ZNF362: variants seen among roughly 807,000 people sequenced by gnomAD.
ZNF362 encodes zinc finger protein 362.
ZNF362 carries 11 observed loss-of-function variants against 42.9 expected under a neutral mutation model. The ratio of observed to expected loss-of-function variants is 0.26; its 90% confidence interval spans 0.16 to 0.42. The LOEUF is 0.42. Among genes scored for constraint, ZNF362 ranks in the 20% least tolerant of loss-of-function variants. ZNF362 has a pLI of 1.00. For synonymous variants in ZNF362, 255 were observed against 257.3 expected (o/e 0.99, Z 0.09); for missense variants, 362 against 576.2 (o/e 0.63, Z 3.81).
intron 1 of ZNF362, among the ~76,000 whole-genome samples, chr1:33,263,083 A>C (rs1025249671): frequency 6.6e-6 from 1 of 152,228 alleles, no homozygotes; most frequent in African/African-American, 2.4e-5. Context: ...CCTTGTGCAC[A>C]TGTGTGTTTT....
upstream of ZNF362, among the ~76,000 whole-genome samples, chr1:33,253,961 T>C (rs1645772741): frequency 6.6e-6 from 1 of 152,216 alleles, no homozygotes; most frequent in African/African-American, 2.4e-5. Context: ...AGTTCCCATA[T>C]ATACCTCCTC....
At position 33,266,983 on chromosome 1, in the gene ZNF362, C is replaced by T. The variant is rs1219936447; in HGVS notation, c.-88-3504C>T. Among the ~76,000 whole-genome samples the T allele has an allele frequency of 6.6e-6, 1 of 152,182 alleles. No homozygotes were observed. The highest frequency in any genetic ancestry group is 1.5e-5 in the Non-Finnish European group (1 of 68,024). ...TTAGCGCCCTGGGAAGGCTCTCCTTCGGCTTGGTCCTCCCCGCTGGGGCCC... is the reference window on the plus strand; with the variant it reads ...TTAGCGCCCTGGGAAGGCTCTCCTTTGGCTTGGTCCTCCCCGCTGGGGCCC... On this transcript the variant is annotated intron_variant, in intron 1 of 8. Transcript: ENST00000539719. This position sits in a 1 kb window ranked among gnomAD's most constrained non-coding sequence, Gnocchi z 4.3.
At chr1:33,182,439 G>T in the ZNF362 span, among the ~76,000 whole-genome samples, 1 of 152,238 alleles carries the variant, frequency 6.6e-6, no homozygotes, top group Non-Finnish European at 1.5e-5. Flanking sequence ...GAAATGCCCT[G>T]CTTGCTTAGA....
chr1:33,251,020 G>A, the ZNF362 span, among the ~76,000 whole-genome samples: 1 of 152,160 alleles, frequency 6.6e-6, no homozygotes, highest in African/African-American at 2.4e-5. Context: ...CATTTAAGCC[G>A]ACATGAGAGA....
chr1:33,292,497 G>A, intron 6 of ZNF362, among the ~76,000 whole-genome samples: 1 of 152,244 alleles, frequency 6.6e-6, no homozygotes, highest in East Asian at 1.9e-4. Context: ...TTTTTGCATC[G>A]ATGTTCATCA....
chr1:33,204,671 T>G, the ZNF362 span, among the ~76,000 whole-genome samples: 2 of 152,188 alleles, frequency 1.3e-5, no homozygotes, highest in Admixed American at 1.3e-4. Flanking sequence ...AACCTACAGT[T>G]TACAGCATAC....
At chr1:33,181,375 C>G in the ZNF362 span, 1 of 1,600,828 alleles carries the variant, frequency 6.2e-7, no homozygotes, top group Non-Finnish European at 8.5e-7. This position sits in a 1 kb window ranked among gnomAD's most constrained non-coding sequence, Gnocchi z 6.5. Context: ...CTCACCGGGT[C>G]CTGGTAGATG....
the ZNF362 span, among the ~76,000 whole-genome samples, chr1:33,183,447 T>C: frequency 6.6e-6 from 1 of 152,244 alleles, no homozygotes; most frequent in Non-Finnish European, 1.5e-5. Context: ...CATTTTCTTA[T>C]GGGCAGAGCC....
At chr1:33,290,284 A>G (rs959053250) in intron 6 of ZNF362, among the ~76,000 whole-genome samples, 6 of 151,956 alleles carry the variant, frequency 3.9e-5, no homozygotes, top group East Asian at 1.9e-4. Context: ...TCATTGTTCA[A>G]TTCCCACCTA....
the ZNF362 span, among the ~76,000 whole-genome samples, chr1:33,228,213 T>C: frequency 6.6e-6 from 1 of 152,136 alleles, no homozygotes; most frequent in African/African-American, 2.4e-5. Context: ...CCACACCTGC[T>C]CCTGCTCCTG....
intron 6 of ZNF362, among the ~76,000 whole-genome samples, chr1:33,289,633 G>A (rs115099477): frequency 0.014 from 2,186 of 152,266 alleles, 53 homozygotes; most frequent in African/African-American, 0.05. Context: ...CATGGAAGTC[G>A]CTGATAATGT....
At chr1:33,170,977 G>T in the ZNF362 span, among the ~76,000 whole-genome samples, 1 of 152,218 alleles carries the variant, frequency 6.6e-6, no homozygotes, top group African/African-American at 2.4e-5. Context: ...CGGCTCCCTA[G>T]TCGCTTCTTT....
chr1:33,276,780 G>A (rs746301097), intron 4 of ZNF362, among the ~76,000 whole-genome samples, 186 bp downstream of exon 4: 1 of 152,196 alleles, frequency 6.6e-6, no homozygotes, highest in African/African-American at 2.4e-5. Flanking sequence ...GACTTCCAAC[G>A]ACCCAGTACT....
At chr1:33,162,590 G>A in the ZNF362 span, among the ~76,000 whole-genome samples, 4 of 152,336 alleles carry the variant, frequency 2.6e-5, no homozygotes, top group East Asian at 1.9e-4. Flanking sequence ...GTGAAGGAGG[G>A]AAGAGTCTTG....
chr1:33,282,392 C>G (rs1164219895), intron 6 of ZNF362, among the ~76,000 whole-genome samples: 1 of 152,220 alleles, frequency 6.6e-6, no homozygotes, highest in East Asian at 1.9e-4. Flanking sequence ...CTTATAGAAA[C>G]TTTTACTCTA....
the ZNF362 span, among the ~76,000 whole-genome samples, chr1:33,182,451 C>A: frequency 6.6e-6 from 1 of 152,180 alleles, no homozygotes; most frequent in Non-Finnish European, 1.5e-5. Context: ...TTGCTTAGAG[C>A]GAGTTCAAGG....
chr1:33,263,557 T>C (rs1239848320), intron 1 of ZNF362, among the ~76,000 whole-genome samples: 4 of 152,082 alleles, frequency 2.6e-5, no homozygotes, highest in Non-Finnish European at 5.9e-5. Flanking sequence ...ATTACAGGCG[T>C]GTGCCACCAC....
chr1:33,244,229 G>A, the ZNF362 span, among the ~76,000 whole-genome samples: 1 of 151,824 alleles, frequency 6.6e-6, no homozygotes, highest in Non-Finnish European at 1.5e-5. The surrounding 1 kb of genome is among the most constrained non-coding windows in gnomAD (Gnocchi z 4.0). Flanking sequence ...TAGTATCAGG[G>A]ATGAACTGTT....
At chr1:33,216,330 G>A in the ZNF362 span, among the ~76,000 whole-genome samples, 2 of 143,984 alleles carry the variant, frequency 1.4e-5, no homozygotes, top group Non-Finnish European at 3.0e-5. Context: ...GGCCGGGCGC[G>A]ATGGCTTATA....
Sources: allele counts gnomAD v4.1 joint callset (sites outside exome capture counted in the v4.1 genomes callset), GRCh38; gene constraint gnomAD v4.1.1; non-coding constraint Gnocchi (gnomAD v3.1); transcripts MANE v1.5; gene names NCBI Gene and HGNC (gene_info 2026-07-23, HGNC 2026-07-21).